Variants in CYP27A1 observed in about 807,000 individuals in gnomAD.
CYP27A1 encodes the protein cytochrome P450 family 27 subfamily A member 1, also known as sterol 26-hydroxylase, mitochondrial.
In CYP27A1, 46 loss-of-function variants were observed where a neutral mutation model predicts 58.2. The ratio of observed to expected loss-of-function variants is 0.79; its 90% CI spans 0.62 to 1.01. CYP27A1 has a LOEUF of 1.01. CYP27A1 is among the 50% of genes least tolerant of loss of function. The pLI, the probability that CYP27A1 is intolerant of heterozygous loss-of-function variation, is 0.00. For synonymous variants in CYP27A1, 274 were observed against 285.1 expected, an observed-to-expected ratio of 0.96 and a Z score of 0.39; for missense variants, 704 against 687.0, an observed-to-expected ratio of 1.02 and a Z score of -0.28.
intron 1 of CYP27A1, among the ~76,000 whole-genome samples, chr2:218,798,207 G>A (rs996435157): frequency 1.3e-4 from 20 of 152,222 alleles, no homozygotes; most frequent in Non-Finnish European, 1.3e-4. Flanking sequence ...GTTTCACCAT[G>A]TTGGCCAGGC....
chr2:218,813,949 CT>C, intron 5 of CYP27A1, 71 bp from the exon 6 acceptor site: 1 of 1,560,884 alleles, frequency 6.4e-7, no homozygotes. Context: ...CATACACCCA[CT>C]CATACACCCT....
intron 1 of CYP27A1, among the ~76,000 whole-genome samples, chr2:218,793,074 T>C (rs1466891004): frequency 6.6e-6 from 1 of 152,206 alleles, no homozygotes; most frequent in Non-Finnish European, 1.5e-5. Flanking sequence ...AGATTCTTTT[T>C]ATTTGTTTGT....
chr2:218,797,078 A>G (rs1943554560), intron 1 of CYP27A1, among the ~76,000 whole-genome samples: 1 of 152,202 alleles, frequency 6.6e-6, no homozygotes, highest in African/African-American at 2.4e-5. Context: ...GTTTACAATA[A>G]CTTAACATAA....
At chr2:218,798,359 T>C (rs1943566725) in intron 1 of CYP27A1, among the ~76,000 whole-genome samples, 1 of 152,256 alleles carries the variant, frequency 6.6e-6, no homozygotes, top group Non-Finnish European at 1.5e-5. Context: ...ACCTTGCATA[T>C]AAATCTATTT....
chr2:218,809,244 C>T lies in CYP27A1; in HGVS notation c.256-333C>T, dbSNP rs376828797. 5.3e-5 allele frequency among the ~76,000 whole-genome samples: 8 copies of T among 152,232 alleles called. No homozygotes were observed. In the East Asian group the frequency reaches 9.7e-4, roughly 18 times the overall value. ...CTCAGTTTCCCTCAAATGCTGGCCTCCAACATACACCTCAACGTACCTCAG... is the reference window on the plus strand; with the variant it reads ...CTCAGTTTCCCTCAAATGCTGGCCTTCAACATACACCTCAACGTACCTCAG... On this transcript the variant is annotated intron_variant, in intron 1 of 8. Coordinates refer to ENST00000258415, the MANE Select transcript of CYP27A1 (RefSeq NM_000784.4).
At chr2:218,793,480 C>T (rs1388593181) in intron 1 of CYP27A1, among the ~76,000 whole-genome samples, 2 of 152,124 alleles carry the variant, frequency 1.3e-5, no homozygotes, top group African/African-American at 2.4e-5. Context: ...TCTCTTCTTT[C>T]CTCTCTCTTT....
At chr2:218,800,280 C>A (rs1390698021) in intron 1 of CYP27A1, among the ~76,000 whole-genome samples, 3 of 152,020 alleles carry the variant, frequency 2.0e-5, no homozygotes, top group Admixed American at 2.0e-4. Context: ...GTCTTCAAGG[C>A]TCAGGGAAGG....
At chr2:218,784,135 C>T (rs1318321501) in intron 1 of CYP27A1, among the ~76,000 whole-genome samples, 1 of 152,060 alleles carries the variant, frequency 6.6e-6, no homozygotes, top group Non-Finnish European at 1.5e-5. Flanking sequence ...CTGAGGGCAA[C>T]GAAGGGCAAA....
At chr2:218,784,357 A>T (rs1943423263) in intron 1 of CYP27A1, among the ~76,000 whole-genome samples, 1 of 152,158 alleles carries the variant, frequency 6.6e-6, no homozygotes, top group Non-Finnish European at 1.5e-5. Flanking sequence ...GGCTGCTGTA[A>T]CCTTTGTTTC....
At chr2:218,812,101 G>A in intron 2 of CYP27A1, 121 bp from the exon 3 acceptor site, 1 of 742,422 alleles carries the variant, frequency 1.3e-6, no homozygotes. Context: ...CTAAATTCTA[G>A]GAGTATGGGA....
At position 218,809,759 on chromosome 2, in the gene CYP27A1, G is replaced by T. The variant is rs692003; in HGVS notation, c.438G>T (p.Pro146=). ...HRDQHDLTYG[P]FTTEGHHWYQ... Reference sequence around the variant, plus strand: ...ACCAGCACGACCTGACCTATGGGCCGTTCACCACGTGAGCTGGGGCCTGAA... The same window carrying T: ...ACCAGCACGACCTGACCTATGGGCCTTTCACCACGTGAGCTGGGGCCTGAA... Residue 146 remains proline (P), a synonymous_variant, in exon 2 of 9, where the codon CCG becomes CCT. Transcript: ENST00000258415. The T allele has an allele frequency of 6.2e-7, 1 of 1,612,614 alleles. No individual in the cohort carries two copies. The highest frequency in any genetic ancestry group is 1.3e-5 in the African/African-American group (1 of 74,804).
At chr2:218,808,673 C>T (rs540504738) in intron 1 of CYP27A1, among the ~76,000 whole-genome samples, 6 of 152,220 alleles carry the variant, frequency 3.9e-5, no homozygotes, top group African/African-American at 1.4e-4. Flanking sequence ...AGATGAAGTG[C>T]CCAGGAAACC....
chr2:218,814,801 G>A, intron 8 of CYP27A1, 44 bp downstream of exon 8: 1 of 1,613,404 alleles, frequency 6.2e-7, no homozygotes, highest in Non-Finnish European at 8.5e-7. Flanking sequence ...AGGGAGGGGT[G>A]GAGGAGTCCT....
intron 1 of CYP27A1, 30 bp from the exon 2 acceptor site, chr2:218,809,547 C>T (rs1489122814): frequency 6.2e-7 from 1 of 1,605,958 alleles, no homozygotes; most frequent in Admixed American, 1.7e-5. Context: ...CAGCTTGGCC[C>T]AGTTATTCAG....
rs751970414 is a variant in CYP27A1 at position 218,812,448 on chromosome 2, G to GA, written c.646+29dup. ...TACCCTTGCTGGGAGAGGGGCTGGG[G>GA]AAGGGAATGGGTCAGGGAGAGGTTG... On this transcript the variant is annotated intron_variant, in intron 3 of 8. Transcript: ENST00000258415. 33 of 1,613,282 alleles carry GA rather than the reference G, an allele frequency of 2.0e-5. 1 individual carries two copies. In the South Asian group the frequency reaches 3.4e-4, roughly 17 times the overall value.
chr2:218,811,076 G>C (rs1943710435), intron 2 of CYP27A1, among the ~76,000 whole-genome samples: 1 of 152,146 alleles, frequency 6.6e-6, no homozygotes, highest in African/African-American at 2.4e-5. Context: ...GCTTGAACCT[G>C]GGAGGTGGAG....
chr2:218,783,257 C>CAAAAAAAAA (rs371442397), intron 1 of CYP27A1, among the ~76,000 whole-genome samples: 50 of 78,900 alleles, frequency 6.3e-4, no homozygotes, highest in South Asian at 1.9e-3. Flanking sequence ...AACTCTGTCT[C>CAAAAAAAAA]AAAAAAAAAA....
At chr2:218,811,515 C>T (rs369094672) in intron 2 of CYP27A1, among the ~76,000 whole-genome samples, 87 of 152,306 alleles carry the variant, frequency 5.7e-4, no homozygotes, top group African/African-American at 2.0e-3. Flanking sequence ...TTTCCACCCA[C>T]GTGAGCACCC....
chr2:218,790,550 A>G (rs1229766083), intron 1 of CYP27A1, among the ~76,000 whole-genome samples: 1 of 152,248 alleles, frequency 6.6e-6, no homozygotes, highest in Non-Finnish European at 1.5e-5. Flanking sequence ...CAACAGCTGC[A>G]TAGATACTTC....
Sources: gnomAD v4.1 joint callset for allele counts (sites outside exome capture counted in the v4.1 genomes callset) on GRCh38, gnomAD v4.1.1 for gene constraint, MANE v1.5 for transcripts, NCBI Gene and HGNC (gene_info 2026-07-23, HGNC 2026-07-21) for gene names.